ERN2: variants seen among roughly 807,000 people sequenced by gnomAD.
ERN2 encodes the protein endoplasmic reticulum to nucleus signaling 2, also known as serine/threonine-protein kinase/endoribonuclease IRE2.
A neutral mutation model predicts 107.9 loss-of-function variants in ERN2; 111 were observed. The ratio of observed to expected loss-of-function variants is 1.03; its 90% confidence interval spans 0.88 to 1.20. The LOEUF (loss-of-function observed/expected upper bound fraction) is 1.20, where lower values mean the gene tolerates loss of function less well. Among genes scored for constraint, ERN2 ranks in the 50% most tolerant of loss-of-function variants. The pLI is 0.00. For missense variants in ERN2, 1,225 were observed against 1,197.9 expected (o/e 1.02, Z -0.33); for synonymous variants, 524 against 501.7 (o/e 1.04, Z -0.59).
chr16:23,711,741 G>A (rs1009775189), intron 1 of ERN2, among the ~76,000 whole-genome samples: 1 of 152,198 alleles, frequency 6.6e-6, no homozygotes, highest in Admixed American at 6.5e-5. Flanking sequence ...TAGGTCATTG[G>A]CATAAAGCCA....
chr16:23,706,454 T>A lies in ERN2; in HGVS notation c.488-23A>T, dbSNP rs1960318816. Reference sequence around the variant, plus strand: ...ACTCTGGGGATCCCAGAAGCAAGATTACCAGGAACGTCCATTTGATGCTCC... The same window carrying A: ...ACTCTGGGGATCCCAGAAGCAAGATAACCAGGAACGTCCATTTGATGCTCC... On this transcript the variant is annotated intron_variant, in intron 6 of 21. Transcript: ENST00000256797. The A allele has an allele frequency of 2.6e-6, 4 of 1,524,778 alleles. No homozygotes were observed. In the South Asian group the frequency reaches 3.6e-5, roughly 14 times the overall value. The allele number at this position is 1,524,778 out of a possible 1,614,324, so 94.5% of individuals were successfully genotyped here. A position where few individuals can be genotyped will look rare whatever the true frequency, so the allele number is the denominator to read the frequency against.
Position 23,702,717 on chromosome 16 carries a change from G to T in ERN2, c.855-15C>A, listed in dbSNP as rs1960139400. The T allele has an allele frequency of 1.2e-6, 2 of 1,607,414 alleles. No homozygotes were observed. Among genetic ancestry groups the T allele is most frequent in the South Asian group, 1.1e-5 (1 of 90,938 alleles). ...ACAGCGTCATTCTAGTGGGAGAGAA[G>T]AAAAAGAAGAGAAGAATGAATGCTG... On this transcript the variant is annotated splice_polypyrimidine_tract_variant and intron_variant, in intron 8 of 21. Transcript: ENST00000256797.
chr16:23,702,411 G>T lies in ERN2; in HGVS notation c.1060C>A (p.Pro354Thr), dbSNP rs745417034. The change falls in exon 10 of 22, where the codon CCA becomes ACA. Residue 354 changes from proline to threonine, a missense_variant. Physicochemically the swap from Pro to Thr is conservative, Grantham distance 38. Transcript: ENST00000256797. Reference sequence around the variant, plus strand: ...TCACCAATGAGCAGCCACTGGCTTGGGAGGGCCACACTGCCTGAGGGGTAT... The same window carrying T: ...TCACCAATGAGCAGCCACTGGCTTGTGAGGGCCACACTGCCTGAGGGGTAT... ...VRYPSGSVAL[P>T]SQWLLIGHHE... The T allele has an allele frequency of 5.0e-6, 8 of 1,613,516 alleles. No homozygotes were observed. In the Admixed American group the frequency reaches 1.3e-4, roughly 27 times the overall value.
intron 17 of ERN2, among the ~76,000 whole-genome samples, chr16:23,694,444 T>G (rs1326008061): frequency 6.6e-6 from 1 of 152,236 alleles, no homozygotes; most frequent in Non-Finnish European, 1.5e-5. Context: ...GTAAGACATT[T>G]AGCAGCATTT....
chr16:23,693,601 A>T (rs191472484), intron 17 of ERN2, among the ~76,000 whole-genome samples: 7,318 of 147,742 alleles, frequency 0.05, 183 homozygotes, highest in Middle Eastern at 0.13. Context: ...AAAAAAAAAA[A>T]ATATATATAT....
Position 23,691,341 on chromosome 16 carries a change from C to A in ERN2, c.2461G>T (p.Asp821Tyr). The change falls in exon 20 of 22, where the codon GAC becomes TAC. Residue 821 changes from aspartate (D) to tyrosine (Y), a missense_variant. Coordinates refer to ENST00000256797, the MANE Select transcript of ERN2 (RefSeq NM_033266.4). The stretch of plus-strand genomic sequence containing the variant: ...ATGGAGATGTGCTCGTGCCAGTTGT[C>A]CCGGACCACTGCGCAGCCTCCCGCC... The part of the protein sequence containing the change: ...LEAGGCAVVR[D>Y]NWHEHISMPL... The A allele has an allele frequency of 1.2e-6, 2 of 1,607,154 alleles. No individual in the cohort carries two copies. Among genetic ancestry groups the A allele is most frequent in the Non-Finnish European group, 1.7e-6 (2 of 1,179,966 alleles).
At chr16:23,709,977 C>A in intron 4 of ERN2, 195 bp downstream of exon 4, 1 of 571,288 alleles carries the variant, frequency 1.8e-6, no homozygotes, top group Admixed American at 3.2e-5. Flanking sequence ...TCAGATTGCC[C>A]TGCAGACACA....
chr16:23,705,128 G>A lies in ERN2; in HGVS notation c.609C>T (p.Ser203=), dbSNP rs1266628898. ...CAGTGAGCAGCAGGCCCATCCCGCAGGACGCCAGGTGGCTCATGTCTGCCG... is the reference window on the plus strand; with the variant it reads ...CAGTGAGCAGCAGGCCCATCCCGCAAGACGCCAGGTGGCTCATGTCTGCCG... ...SPGKYMSHLA[S]CGMGLLLTVD... Residue 203 remains serine (S), a synonymous_variant, in exon 8 of 22, where the codon TCC becomes TCT. Transcript: ENST00000256797. 5 of 1,612,624 alleles carry A rather than the reference G, an allele frequency of 3.1e-6. No homozygotes were observed. The South Asian group carries it at 5.5e-5, about 18-fold the overall frequency.
intron 8 of ERN2, 138 bp downstream of exon 8, chr16:23,704,745 A>G (rs1397867856): frequency 9.9e-7 from 1 of 1,005,046 alleles, no homozygotes; most frequent in Non-Finnish European, 1.5e-6. Flanking sequence ...CAGTTGGGTA[A>G]GTAACCAATT....
chr16:23,691,540 G>A, intron 19 of ERN2, 115 bp from the exon 20 acceptor site: 9 of 1,266,760 alleles, frequency 7.1e-6, no homozygotes, highest in Non-Finnish European at 9.7e-6. Flanking sequence ...TGCCTCTGGG[G>A]GCGTGAAGCT....
chr16:23,704,510 G>C (rs1297506527), intron 8 of ERN2, among the ~76,000 whole-genome samples: 2 of 152,146 alleles, frequency 1.3e-5, no homozygotes, highest in Non-Finnish European at 2.9e-5. Flanking sequence ...CTTGCTTTCT[G>C]CCATGATTGT....
chr16:23,692,354 G>A (rs1456180512), intron 17 of ERN2, 23 bp from the exon 18 acceptor site: 4 of 1,608,292 alleles, frequency 2.5e-6, no homozygotes, highest in South Asian at 2.2e-5. Context: ...AGATGGGCAT[G>A]AGAAGGAAAT....
At chr16:23,708,085 C>T (rs978693195) in intron 4 of ERN2, among the ~76,000 whole-genome samples, 9 of 152,156 alleles carry the variant, frequency 5.9e-5, no homozygotes, top group African/African-American at 1.9e-4. Flanking sequence ...GTTCCTCTAC[C>T]GAAGCCCTGA....
chr16:23,695,213 G>A lies in ERN2; in HGVS notation c.1787C>T (p.Ala596Val). The change falls in exon 15 of 22, where the codon GCC (alanine) becomes GTC (valine). Residue 596 changes from alanine to valine, a missense_variant. Coordinates refer to ENST00000256797, the MANE Select transcript of ERN2 (RefSeq NM_033266.4). ...FHYIALELCR[A>V]SLQEYVENPD... ...AATGCAACTCACCTCCTGCAAGGAGGCCCGGCAGAGCTCCAGGGCAATGTA... is the reference window on the plus strand; with the variant it reads ...AATGCAACTCACCTCCTGCAAGGAGACCCGGCAGAGCTCCAGGGCAATGTA... 6.2e-7 allele frequency: 1 copy of A among 1,614,078 alleles called. No homozygotes were observed. Among genetic ancestry groups the A allele is most frequent in the Admixed American group, 1.7e-5 (1 of 60,026 alleles).
At position 23,694,923 on chromosome 16, in the gene ERN2, G is replaced by C; in HGVS notation, c.1905C>G (p.His635Gln). The part of the protein sequence containing the change: ...LAHLHSLHIV[H>Q]RDLKPGNILI... ...GAATATTTCCTGGCTTCAGGTCCCG[G>C]TGCACTGTGGGAGAGGGGCAGAAAG... The change falls in exon 17 of 22, where the codon CAC becomes CAG. Residue 635 changes from histidine to glutamine, a missense_variant. Transcript: ENST00000256797. 2 of 1,614,202 alleles carry C rather than the reference G, an allele frequency of 1.2e-6. No homozygotes were observed. The highest frequency in any genetic ancestry group is 2.2e-5 in the East Asian group (1 of 44,880).
Position 23,705,059 on chromosome 16 carries a change from G to A in ERN2, c.678C>T (p.Gly226=), listed in dbSNP as rs756412528. The change falls in exon 8 of 22, where the codon GGC becomes GGT. Residue 226 remains glycine (G), a synonymous_variant. Coordinates refer to ENST00000256797, the MANE Select transcript of ERN2 (RefSeq NM_033266.4). ...SGTVLWTQDL[G]VPVMGVYTWH... ...AGGTGTAGACGCCCATCACAGGCAC[G>A]CCCAGGTCCTGTGTCCACAGCACCG... 39 of 1,613,814 alleles carry A rather than the reference G, an allele frequency of 2.4e-5. No individual in the cohort carries two copies. Among genetic ancestry groups the A allele is most frequent in the Admixed American group, 2.3e-4 (14 of 59,996 alleles).
Position 23,694,894 on chromosome 16 carries a change from A to G in ERN2, c.1934T>C (p.Ile645Thr). The G allele has an allele frequency of 6.2e-7, 1 of 1,614,222 alleles. No homozygotes were observed. Among genetic ancestry groups the G allele is most frequent in the Non-Finnish European group, 8.5e-7 (1 of 1,180,044 alleles). Reference sequence around the variant, plus strand: ...CAGGCCCTGGCTGTCAGGCCCGGTGATGAGAATATTTCCTGGCTTCAGGTC... The same window carrying G: ...CAGGCCCTGGCTGTCAGGCCCGGTGGTGAGAATATTTCCTGGCTTCAGGTC... ...HRDLKPGNIL[I>T]TGPDSQGLGR... is the part of the protein sequence containing the mutation. Residue 645 changes from isoleucine to threonine, a missense_variant, in exon 17 of 22, where the codon ATC (isoleucine) becomes ACC (threonine). Transcript: ENST00000256797.
At chr16:23,706,914 G>T in intron 5 of ERN2, 53 bp from the exon 6 acceptor site, 1 of 1,543,762 alleles carries the variant, frequency 6.5e-7, no homozygotes, top group Non-Finnish European at 8.9e-7. Flanking sequence ...AAGAGGTGTG[G>T]CCCCGCCACT....
chr16:23,708,974 G>A (rs181180899), intron 4 of ERN2, among the ~76,000 whole-genome samples: 1 of 152,286 alleles, frequency 6.6e-6, no homozygotes, highest in Admixed American at 6.5e-5. Context: ...CCTATACTCT[G>A]CTCACACTTT....
Sources: gnomAD v4.1 joint callset for allele counts (sites outside exome capture counted in the v4.1 genomes callset) on GRCh38, gnomAD v4.1.1 for gene constraint, MANE v1.5 for transcripts, NCBI Gene and HGNC (gene_info 2026-07-23, HGNC 2026-07-21) for gene names.